FAT3: variants seen among roughly 807,000 people sequenced by gnomAD.
FAT3 encodes the protein FAT atypical cadherin 3.
Under a neutral mutation model 310.2 loss-of-function variants are expected in FAT3, and 95 were observed. The ratio of observed to expected loss-of-function variants is 0.31; its 90% CI spans 0.26 to 0.36. The LOEUF is 0.36. Among genes scored for constraint, FAT3 ranks in the 10% least tolerant of loss-of-function variants. The probability of loss-of-function intolerance (pLI) is 1.00; values close to 1 mark genes in which losing one functional copy is unlikely to be tolerated. For synonymous variants in FAT3, 2,314 were observed against 2,192.9 expected (o/e 1.06, Z -1.54); for missense variants, 5,408 against 5,715.6 (o/e 0.95, Z 1.74).
intron 3 of FAT3, among the ~76,000 whole-genome samples, chr11:92,646,471 CTCT>C (rs756838787): frequency 1.3e-5 from 2 of 152,196 alleles, no homozygotes; most frequent in South Asian, 2.1e-4. Context: ...GATAATTAGA[CTCT>C]TCTTCTCCAT....
chr11:92,726,193 T>C (rs1361834209), intron 4 of FAT3, among the ~76,000 whole-genome samples: 5 of 152,180 alleles, frequency 3.3e-5, no homozygotes, highest in Non-Finnish European at 5.9e-5. Context: ...AATTGTTTAA[T>C]AGCTATGACA....
intron 2 of FAT3, among the ~76,000 whole-genome samples, chr11:92,431,393 T>C (rs1950772880): frequency 6.6e-6 from 1 of 152,218 alleles, no homozygotes; most frequent in South Asian, 2.1e-4. Flanking sequence ...TTGAGTTCAT[T>C]GTAGATTCTG....
At chr11:92,735,750 A>G (rs1191785782) in intron 4 of FAT3, among the ~76,000 whole-genome samples, 1 of 151,622 alleles carries the variant, frequency 6.6e-6, no homozygotes, top group Non-Finnish European at 1.5e-5. Context: ...ACTATTACAT[A>G]CTAGATTCAG....
chr11:92,252,369 A>G (rs1167520703), intron 1 of FAT3, among the ~76,000 whole-genome samples: 2 of 152,130 alleles, frequency 1.3e-5, no homozygotes. Context: ...GGGTTTAACT[A>G]CTTTTGTTTG....
intron 2 of FAT3, among the ~76,000 whole-genome samples, chr11:92,460,791 A>G (rs919456699): frequency 1.3e-5 from 2 of 152,226 alleles, no homozygotes; most frequent in Non-Finnish European, 2.9e-5. Flanking sequence ...GACATTGTAT[A>G]GCTGAAGTAT....
intron 3 of FAT3, among the ~76,000 whole-genome samples, chr11:92,554,677 T>C (rs1207379781): frequency 6.6e-6 from 1 of 151,962 alleles, no homozygotes; most frequent in Non-Finnish European, 1.5e-5. Context: ...AAGTCAGGAG[T>C]ATATTCTCTG....
At chr11:92,482,677 A>G (rs1344822255) in intron 2 of FAT3, among the ~76,000 whole-genome samples, 3 of 152,012 alleles carry the variant, frequency 2.0e-5, no homozygotes, top group Non-Finnish European at 2.9e-5. Flanking sequence ...GCAGCCCAAT[A>G]CAGTAACCTC....
chr11:92,648,036 G>A (rs949990033), intron 3 of FAT3, among the ~76,000 whole-genome samples: 2 of 152,134 alleles, frequency 1.3e-5, no homozygotes, highest in Non-Finnish European at 2.9e-5. Context: ...ATTTCAGTAG[G>A]AATTCACCTG....
At chr11:92,873,275 A>G (rs1045406549) in intron 22 of FAT3, among the ~76,000 whole-genome samples, 2 of 152,132 alleles carry the variant, frequency 1.3e-5, no homozygotes, top group Non-Finnish European at 2.9e-5. Flanking sequence ...CTAAACTTGT[A>G]CCCAGTGCCT....
At chr11:92,374,034 A>G (rs938465590) in intron 2 of FAT3, among the ~76,000 whole-genome samples, 5 of 150,776 alleles carry the variant, frequency 3.3e-5, no homozygotes, top group Non-Finnish European at 7.4e-5. Flanking sequence ...AGAGAGGGAG[A>G]GAGAGAGAGA....
At chr11:92,280,773 T>C (rs1271812555) in intron 1 of FAT3, among the ~76,000 whole-genome samples, 2 of 152,174 alleles carry the variant, frequency 1.3e-5, no homozygotes, top group African/African-American at 4.8e-5. Context: ...ACATATACCA[T>C]TTGATCTAGC....
At chr11:92,610,097 A>G (rs1466590726) in intron 3 of FAT3, among the ~76,000 whole-genome samples, 1 of 152,170 alleles carries the variant, frequency 6.6e-6, no homozygotes, top group Non-Finnish European at 1.5e-5. Flanking sequence ...ATTTAAGGTA[A>G]TTTAATTTTG....
rs34833885 is a variant in FAT3, at chr11:92,447,222, CGTGTGT to C, written c.3293-77383_3293-77378del. 2.8e-3 allele frequency among the ~76,000 whole-genome samples: 403 copies of C among 146,330 alleles called. 4 individuals carry two copies. Among genetic ancestry groups the C allele is most frequent in the East Asian group, 0.024 (119 of 4,904 alleles). ...ATATATATGTGTATGTATATGTGTG[CGTGTGT>C]GTGTGTGTGTGTGTGTGTGTGTGTG... On this transcript the variant is annotated intron_variant, in intron 2 of 27. Transcript: ENST00000525166.
chr11:92,530,596 A>T (rs1027836773), intron 3 of FAT3, among the ~76,000 whole-genome samples: 1 of 151,958 alleles, frequency 6.6e-6, no homozygotes, highest in African/African-American at 2.4e-5. Flanking sequence ...TTAATAAAAA[A>T]CCTGGGTCAC....
At chr11:92,735,599 TAGAA>T (rs1428156468) in intron 4 of FAT3, among the ~76,000 whole-genome samples, 2 of 145,058 alleles carry the variant, frequency 1.4e-5, no homozygotes, top group Non-Finnish European at 1.5e-5. Context: ...GATAGATAGA[TAGAA>T]ATTAATGACA....
chr11:92,599,342 C>T (rs1034825412), intron 3 of FAT3, among the ~76,000 whole-genome samples: 5 of 152,118 alleles, frequency 3.3e-5, no homozygotes, highest in Non-Finnish European at 5.9e-5. Context: ...GGTGGGGGAA[C>T]CCCTTATAAA....
At chr11:92,505,388 C>CT (rs992607892) in intron 2 of FAT3, among the ~76,000 whole-genome samples, 1 of 152,122 alleles carries the variant, frequency 6.6e-6, no homozygotes, top group African/African-American at 2.4e-5. Flanking sequence ...CTGTGGGTGT[C>CT]TGTTTCCCTG....
intron 2 of FAT3, among the ~76,000 whole-genome samples, chr11:92,425,467 C>T (rs1435280783): frequency 6.6e-6 from 1 of 151,918 alleles, no homozygotes; most frequent in Non-Finnish European, 1.5e-5. Flanking sequence ...ATACATGTGC[C>T]GTGGTGGTTT....
At chr11:92,323,585 C>CT (rs1206086265) in intron 1 of FAT3, among the ~76,000 whole-genome samples, 1,559 of 133,756 alleles carry the variant, frequency 0.012, 12 homozygotes, top group East Asian at 0.015. Context: ...CTTTTTTTTT[C>CT]TTTTTTTTTT....
Sources: gnomAD v4.1 joint callset for allele counts (sites outside exome capture counted in the v4.1 genomes callset) on GRCh38, gnomAD v4.1.1 for gene constraint, MANE v1.5 for transcripts, NCBI Gene and HGNC (gene_info 2026-07-23, HGNC 2026-07-21) for gene names.